TTC21B: variants seen among roughly 807,000 people sequenced by gnomAD.
The protein encoded by TTC21B is tetratricopeptide repeat protein 21B.
In TTC21B, 127 loss-of-function variants were observed where a neutral mutation model predicts 175.1. The observed-to-expected ratio is 0.73, with a 90% CI of 0.63 to 0.84. The LOEUF (loss-of-function observed/expected upper bound fraction) is 0.84, where lower values mean the gene tolerates loss of function less well. TTC21B is among the 40% of genes least tolerant of loss of function. The pLI is 0.00. For synonymous variants in TTC21B, 524 were observed against 524.5 expected (o/e 1.00, Z 0.01); for missense variants, 1,561 against 1,558.3 (o/e 1.00, Z -0.03).
intron 8 of TTC21B, among the ~76,000 whole-genome samples, chr2:165,930,847 C>T (rs928905089): frequency 8.2e-5 from 12 of 146,560 alleles, no homozygotes; most frequent in South Asian, 2.2e-4. Context: ...GCTATGCCAT[C>T]AGTGAGAATA....
intron 18 of TTC21B, among the ~76,000 whole-genome samples, chr2:165,910,801 G>A (rs1685905744): frequency 8.2e-6 from 1 of 122,524 alleles, no homozygotes; most frequent in Non-Finnish European, 1.9e-5. Context: ...TCTGGGACAC[G>A]TATGTGGAAA....
intron 22 of TTC21B, 53 bp from the exon 23 acceptor site, chr2:165,891,041 G>A (rs1685174815): frequency 1.9e-5 from 28 of 1,459,680 alleles, no homozygotes; most frequent in Non-Finnish European, 2.7e-5. Context: ...TGTTTCTTTT[G>A]TTGGTTATAA....
chr2:165,876,230 A>T lies in TTC21B; in HGVS notation c.3808T>A (p.Tyr1270Asn). ...TTTAAGTAATTAAATGCCAGTTTGTATCCTGTTAAGACAAAAACCATAAAA... is the reference window on the plus strand; with the variant it reads ...TTTAAGTAATTAAATGCCAGTTTGTTTCCTGTTAAGACAAAAACCATAAAA... ...YSNRTNPAVG[Y>N]KLAFNYLKAK... The change falls in exon 28 of 29, where the codon TAC becomes AAC. Residue 1270 changes from tyrosine (Y) to asparagine (N), a missense_variant and splice_region_variant. Physicochemically the swap from Tyr to Asn is moderately radical, Grantham distance 143. Transcript: ENST00000243344. 1 of 1,585,816 alleles carries T rather than the reference A, an allele frequency of 6.3e-7. No homozygotes were observed. Among genetic ancestry groups the T allele is most frequent in the Non-Finnish European group, 8.7e-7 (1 of 1,155,156 alleles).
At position 165,874,824 on chromosome 2, in the gene TTC21B, T is replaced by G; in HGVS notation, c.3882A>C (p.Glu1294Asp). The G allele has an allele frequency of 1.2e-6, 2 of 1,613,620 alleles. No individual in the cohort carries two copies. The highest frequency in any genetic ancestry group is 1.3e-5 in the African/African-American group (1 of 75,034). ...DSIDICHQVL[E>D]AHPTYPKIRK... ...TGATTTTTGGATAAGTTGGATGTGC[T>G]TCAAGAACCTGCAAAACAAATAAAG... Residue 1294 changes from glutamate to aspartate, a missense_variant, in exon 29 of 29, where the codon GAA becomes GAC. Coordinates refer to ENST00000243344, the MANE Select transcript of TTC21B (RefSeq NM_024753.5).
chr2:165,884,502 C>A (rs1032023001), intron 25 of TTC21B, among the ~76,000 whole-genome samples: 2 of 152,004 alleles, frequency 1.3e-5, no homozygotes, highest in Non-Finnish European at 2.9e-5. Context: ...TGCTTTTTTT[C>A]CCCCTCCCTT....
chr2:165,874,704 G>C lies in TTC21B; in HGVS notation c.*51C>G. On this transcript the variant is annotated 3_prime_UTR_variant, in exon 29 of 29. Transcript: ENST00000243344. Reference sequence around the variant, plus strand: ...CTGTTTTGAACAGGAAGAACTGAAAGTTAGATTTCTTTCATTTCCTGTTAA... The same window carrying C: ...CTGTTTTGAACAGGAAGAACTGAAACTTAGATTTCTTTCATTTCCTGTTAA... 1 of 1,529,446 alleles carries C rather than the reference G, an allele frequency of 6.5e-7. No homozygotes were observed. The highest frequency in any genetic ancestry group is 9.1e-7 in the Non-Finnish European group (1 of 1,103,422). 94.7% of individuals were successfully genotyped at this position (1,529,446 alleles called of 1,614,324 possible).
Position 165,936,253 on chromosome 2 carries a change from A to T in TTC21B, c.711-3196T>A, listed in dbSNP as rs192474308. On this transcript the variant is annotated intron_variant, in intron 6 of 28. Transcript: ENST00000243344. ...ATAAATGGCACTGGAAAAACTGGAC[A>T]TCCACATGGAAAAAATGAATATAGA... 1.3e-5 allele frequency among the ~76,000 whole-genome samples: 2 copies of T among 152,268 alleles called. 1 individual carries two copies. Among genetic ancestry groups the T allele is most frequent in the East Asian group, 3.9e-4 (2 of 5,190 alleles).
chr2:165,884,090 A>C (rs1684930456), intron 25 of TTC21B, 72 bp from the exon 26 acceptor site: 1 of 1,185,692 alleles, frequency 8.4e-7, no homozygotes, highest in African/African-American at 1.5e-5. Flanking sequence ...AGAAAGCAGA[A>C]AATGCTACAT....
chr2:165,941,963 T>C (rs1050937255), intron 5 of TTC21B, among the ~76,000 whole-genome samples: 34 of 152,328 alleles, frequency 2.2e-4, no homozygotes, highest in Admixed American at 1.8e-3. Flanking sequence ...ACTATGTTCA[T>C]GTATCTCATA....
chr2:165,896,291 T>C (rs961091850), intron 22 of TTC21B, among the ~76,000 whole-genome samples: 2 of 152,068 alleles, frequency 1.3e-5, no homozygotes, highest in Non-Finnish European at 2.9e-5. Flanking sequence ...TCTTTTTCTC[T>C]TTCCTCTCCT....
intron 19 of TTC21B, among the ~76,000 whole-genome samples, chr2:165,903,919 T>C (rs1009885897): frequency 6.6e-6 from 1 of 152,194 alleles, no homozygotes; most frequent in Non-Finnish European, 1.5e-5. Context: ...ATATACAGCA[T>C]GTCATTAGTG....
At chr2:165,934,153 A>C (rs1687018597) in intron 6 of TTC21B, 1 of 152,210 alleles carries the variant, frequency 6.6e-6, no homozygotes, top group Non-Finnish European at 1.5e-5. Context: ...GCCTGATATA[A>C]TAATGGTCAT....
At chr2:165,946,263 C>T (rs558614163) in intron 3 of TTC21B, among the ~76,000 whole-genome samples, 7 of 151,684 alleles carry the variant, frequency 4.6e-5, no homozygotes, top group East Asian at 1.9e-4. Context: ...GGCGTGAACT[C>T]GAGAGGCGGA....
intron 25 of TTC21B, 70 bp downstream of exon 25, chr2:165,888,209 A>C: frequency 8.1e-7 from 1 of 1,232,728 alleles, no homozygotes. Flanking sequence ...ATAAACAACT[A>C]ATCAAAATAT....
At chr2:165,941,358 T>C (rs1415117292) in intron 5 of TTC21B, among the ~76,000 whole-genome samples, 174 bp from the exon 6 acceptor site, 1 of 152,210 alleles carries the variant, frequency 6.6e-6, no homozygotes, top group African/African-American at 2.4e-5. Flanking sequence ...ATAATACAAA[T>C]ACATTATATA....
At position 165,899,849 on chromosome 2, in the gene TTC21B, G is replaced by C. The variant is rs745910455; in HGVS notation, c.2789C>G (p.Ala930Gly). 2.5e-6 allele frequency: 4 copies of C among 1,613,390 alleles called. No individual in the cohort carries two copies. Among genetic ancestry groups the C allele is most frequent in the South Asian group, 1.1e-5 (1 of 91,064 alleles). Residue 930 changes from alanine to glycine, a missense_variant, in exon 21 of 29, where the codon GCA (alanine) becomes GGA (glycine). Coordinates refer to ENST00000243344, the MANE Select transcript of TTC21B (RefSeq NM_024753.5). ...CAGGCAGGAATCAGGGTCATCTTGT[G>C]CCAGGTATAATCGTGCCAGTTCCAA... ...IMLELARLYL[A>G]QDDPDSCLRQ...
intron 22 of TTC21B, among the ~76,000 whole-genome samples, chr2:165,895,744 T>C (rs1685341298): frequency 1.3e-5 from 2 of 151,984 alleles, no homozygotes; most frequent in Admixed American, 6.5e-5. Flanking sequence ...CCAGAGTGAG[T>C]GGAAGAGGTG....
At chr2:165,912,378 C>A in intron 17 of TTC21B, 136 bp downstream of exon 17, 2 of 753,720 alleles carry the variant, frequency 2.7e-6, no homozygotes, top group Non-Finnish European at 4.8e-6. Context: ...AGGCCTTTAA[C>A]ACAAATCCCA....
chr2:165,905,994 A>C (rs1364196631), intron 19 of TTC21B, among the ~76,000 whole-genome samples: 1 of 152,178 alleles, frequency 6.6e-6, no homozygotes, highest in East Asian at 1.9e-4. Flanking sequence ...ATGTCTTGGC[A>C]CAGCAGAAGT....
Sources: gnomAD v4.1 joint callset for allele counts (sites outside exome capture counted in the v4.1 genomes callset) on GRCh38, gnomAD v4.1.1 for gene constraint, MANE v1.5 for transcripts, NCBI Gene and HGNC (gene_info 2026-07-23, HGNC 2026-07-21) for gene names.